Variants in GPHN observed in about 807,000 individuals in gnomAD.
GPHN encodes gephyrin.
Under a neutral mutation model 95.5 loss-of-function variants are expected in GPHN, and 17 were observed. The observed-to-expected ratio is 0.18, with a 90% CI of 0.12 to 0.27. The LOEUF is 0.27. GPHN is among the 10% of genes least tolerant of loss of function. GPHN has a pLI of 1.00. For synonymous variants in GPHN, 320 were observed against 322.5 expected (o/e 0.99, Z 0.08); for missense variants, 660 against 978.1 (o/e 0.67, Z 4.34).
chr14:66,829,799 G>C (rs183428535), intron 4 of GPHN, among the ~76,000 whole-genome samples: 1 of 152,186 alleles, frequency 6.6e-6, no homozygotes, highest in African/African-American at 2.4e-5. Context: ...TATGTGTTCA[G>C]TGCCATGCTT....
chr14:66,932,732 A>G lies in GPHN; in HGVS notation c.828+8440A>G, dbSNP rs79597326. Among the ~76,000 whole-genome samples, 92 of 151,264 alleles carry G rather than the reference A, an allele frequency of 6.1e-4. 3 individuals carry two copies. The highest frequency in any genetic ancestry group is 2.2e-3 in the African/African-American group (89 of 41,206). ...TTCAAGGCCCAAGGGCTTTTTAGTC[A>G]CCACTGGTGAGTCCTGCGAGGCCTG... On this transcript the variant is annotated intron_variant, in intron 8 of 22. Coordinates refer to ENST00000478722, the MANE Select transcript of GPHN (RefSeq NM_020806.5).
At chr14:67,053,732 G>A (rs1013166657) in intron 10 of GPHN, among the ~76,000 whole-genome samples, 2 of 152,058 alleles carry the variant, frequency 1.3e-5, no homozygotes, top group African/African-American at 2.4e-5. Context: ...CTGACAAACC[G>A]AATCCAGCAG....
intron 8 of GPHN, among the ~76,000 whole-genome samples, chr14:66,946,016 C>T (rs1036117549): frequency 2.0e-5 from 3 of 151,982 alleles, no homozygotes; most frequent in African/African-American, 7.3e-5. Flanking sequence ...AATAGTTTTA[C>T]ATTCCCTGAA....
chr14:67,631,143 C>G, the GPHN span, among the ~76,000 whole-genome samples: 4 of 152,166 alleles, frequency 2.6e-5, no homozygotes, highest in Admixed American at 2.6e-4. Flanking sequence ...TCCCCCTTGA[C>G]CTTAGGTAGC....
the GPHN span, among the ~76,000 whole-genome samples, chr14:67,534,321 G>A: frequency 1.3e-5 from 2 of 152,164 alleles, no homozygotes; most frequent in Non-Finnish European, 2.9e-5. Context: ...GCTTATGCCT[G>A]TAATCCCAGC....
At chr14:66,509,772 CT>C (rs1411007797) in intron 1 of GPHN, among the ~76,000 whole-genome samples, 1 of 152,016 alleles carries the variant, frequency 6.6e-6, no homozygotes, top group Non-Finnish European at 1.5e-5. Flanking sequence ...TTTTCTTTAA[CT>C]GTCAAATTCT....
the GPHN span, among the ~76,000 whole-genome samples, chr14:67,539,402 T>C: frequency 9.9e-5 from 15 of 152,082 alleles, no homozygotes; most frequent in South Asian, 2.1e-4. Context: ...GCTGAAGTCA[T>C]GTGTTCTGAG....
At chr14:67,427,819 C>G in the GPHN span, among the ~76,000 whole-genome samples, 1 of 152,106 alleles carries the variant, frequency 6.6e-6, no homozygotes, top group Admixed American at 6.6e-5. Flanking sequence ...CTGTAAGGCA[C>G]CGTGCTTTTC....
chr14:67,571,796 T>G, the GPHN span: 3 of 1,613,894 alleles, frequency 1.9e-6, no homozygotes, highest in South Asian at 3.3e-5. Flanking sequence ...ACGAGTCCTC[T>G]GGGTCTGACG....
intron 10 of GPHN, among the ~76,000 whole-genome samples, chr14:67,044,690 G>T (rs139516471): frequency 0.019 from 2,916 of 152,054 alleles, 38 homozygotes; most frequent in Middle Eastern, 0.034. Context: ...ACCGTTTATG[G>T]CATCAAAAGC....
At chr14:66,980,074 C>G (rs1417344677) in intron 9 of GPHN, among the ~76,000 whole-genome samples, 1 of 152,022 alleles carries the variant, frequency 6.6e-6, no homozygotes, top group Non-Finnish European at 1.5e-5. Context: ...CATCAAAGAT[C>G]GCTGATCATA....
chr14:66,999,372 T>C (rs2072060138), intron 9 of GPHN, among the ~76,000 whole-genome samples: 1 of 151,968 alleles, frequency 6.6e-6, no homozygotes. Context: ...TATGTGAAGA[T>C]ACACCTATAA....
chr14:67,449,659 C>T, the GPHN span, among the ~76,000 whole-genome samples: 6 of 152,164 alleles, frequency 3.9e-5, no homozygotes, highest in South Asian at 4.1e-4. Context: ...TCTGTGTTCC[C>T]ACCCAAATCT....
At chr14:67,537,181 C>T in the GPHN span, among the ~76,000 whole-genome samples, 1 of 141,540 alleles carries the variant, frequency 7.1e-6, no homozygotes, top group Non-Finnish European at 1.5e-5. Context: ...CCTGTCTTTA[C>T]AAAAAATACA....
At chr14:67,490,825 A>G in the GPHN span, among the ~76,000 whole-genome samples, 78 of 152,164 alleles carry the variant, frequency 5.1e-4, no homozygotes, top group Non-Finnish European at 9.3e-4. Context: ...CTGTAAAGGA[A>G]AAAAAGTTTT....
the GPHN span, among the ~76,000 whole-genome samples, chr14:67,489,199 T>A: frequency 6.6e-6 from 1 of 152,196 alleles, no homozygotes; most frequent in Admixed American, 6.5e-5. Flanking sequence ...GTCACCTCTA[T>A]TTTAGAAATG....
rs547022285 is a variant in GPHN at position 67,068,843 on chromosome 14, T to C, written c.1144+10057T>C. On this transcript the variant is annotated intron_variant, in intron 11 of 22. Transcript: ENST00000478722. ...AAGGCACATGTTCCCGTCTCTGACTTCTAGCTAGTTAGCTGCCTGAGCATA... is the reference window on the plus strand; with the variant it reads ...AAGGCACATGTTCCCGTCTCTGACTCCTAGCTAGTTAGCTGCCTGAGCATA... 8.4e-4 allele frequency among the ~76,000 whole-genome samples: 128 copies of C among 152,282 alleles called. 3 individuals are homozygous for C. In the South Asian group the frequency reaches 0.026, roughly 31 times the overall value.
intron 4 of GPHN, among the ~76,000 whole-genome samples, chr14:66,852,373 A>G (rs1156757776): frequency 1.3e-5 from 2 of 152,094 alleles, no homozygotes; most frequent in African/African-American, 4.8e-5. Context: ...TTGAGGAGGG[A>G]AAAAAATGTG....
At chr14:66,751,800 T>C (rs1422522540) in intron 2 of GPHN, among the ~76,000 whole-genome samples, 1 of 152,124 alleles carries the variant, frequency 6.6e-6, no homozygotes, top group African/African-American at 2.4e-5. Context: ...CACTAGTCCC[T>C]ACCAAGAGAG....
Sources: gnomAD v4.1 joint callset for allele counts (sites outside exome capture counted in the v4.1 genomes callset) on GRCh38, gnomAD v4.1.1 for gene constraint, MANE v1.5 for transcripts, NCBI Gene and HGNC (gene_info 2026-07-23, HGNC 2026-07-21) for gene names.